B3GALT1: variants seen among roughly 807,000 people sequenced by gnomAD.
B3GALT1 encodes the protein beta-1,3-galactosyltransferase 1, also known as UDP-Gal:betaGlcNAc beta 1,3-galactosyltransferase, polypeptide 1.
A neutral mutation model predicts 23.2 loss-of-function variants in B3GALT1; 10 were observed. The ratio of observed to expected loss-of-function variants is 0.43; its 90% CI spans 0.27 to 0.73. The LOEUF (loss-of-function observed/expected upper bound fraction) is 0.73. Ranked by LOEUF, B3GALT1 falls within the 30% of genes least tolerant of loss-of-function variation. B3GALT1 has a pLI of 0.21. For missense variants in B3GALT1, 299 were observed against 405.4 expected (o/e 0.74, Z 2.25); for synonymous variants, 156 against 141.5 (o/e 1.10, Z -0.73).
intron 2 of B3GALT1, among the ~76,000 whole-genome samples, chr2:167,567,334 G>A (rs1215850777): frequency 6.6e-6 from 1 of 152,094 alleles, no homozygotes; most frequent in Non-Finnish European, 1.5e-5. Context: ...TTTAAATATA[G>A]GAGTTGTCTT....
intron 1 of B3GALT1, among the ~76,000 whole-genome samples, chr2:167,398,309 T>C (rs1230715430): frequency 6.6e-6 from 1 of 152,068 alleles, no homozygotes; most frequent in Non-Finnish European, 1.5e-5. Flanking sequence ...CATTAGGTAA[T>C]GAGAAACAAT....
chr2:167,570,532 G>C (rs1186862264), intron 2 of B3GALT1, among the ~76,000 whole-genome samples: 1 of 151,718 alleles, frequency 6.6e-6, no homozygotes, highest in Non-Finnish European at 1.5e-5. Context: ...CGATTGTAGT[G>C]GGTAATGAAA....
At chr2:167,392,219 T>G (rs1397480190) in intron 1 of B3GALT1, among the ~76,000 whole-genome samples, 3 of 152,006 alleles carry the variant, frequency 2.0e-5, no homozygotes, top group Non-Finnish European at 4.4e-5. Context: ...CTATAAACTT[T>G]TAACAATTAT....
chr2:167,295,611 C>T (rs1192153081), intron 1 of B3GALT1, among the ~76,000 whole-genome samples: 1 of 152,164 alleles, frequency 6.6e-6, no homozygotes, highest in Non-Finnish European at 1.5e-5. Flanking sequence ...AAAAATGGAA[C>T]TTCTAAGGAA....
At chr2:167,517,761 T>G (rs1700127295) in intron 2 of B3GALT1, among the ~76,000 whole-genome samples, 1 of 152,050 alleles carries the variant, frequency 6.6e-6, no homozygotes, top group African/African-American at 2.4e-5. Flanking sequence ...TACTTTTACT[T>G]TCTTTGACAG....
At chr2:167,561,718 A>C (rs1326613395) in intron 2 of B3GALT1, among the ~76,000 whole-genome samples, 1 of 152,232 alleles carries the variant, frequency 6.6e-6, no homozygotes, top group African/African-American at 2.4e-5. Flanking sequence ...GAAATGGATA[A>C]ATTCCTTGAC....
intron 1 of B3GALT1, among the ~76,000 whole-genome samples, chr2:167,412,091 A>G (rs1389536369): frequency 1.3e-5 from 2 of 150,744 alleles, no homozygotes; most frequent in Admixed American, 6.7e-5. Flanking sequence ...ATATAAATGT[A>G]TTTATTACCA....
chr2:167,854,219 T>G (rs758007519), intron 4 of B3GALT1, among the ~76,000 whole-genome samples: 6 of 152,202 alleles, frequency 3.9e-5, no homozygotes, highest in Non-Finnish European at 8.8e-5. Context: ...CATCTCATTT[T>G]ATACTTAAAG....
intron 2 of B3GALT1, among the ~76,000 whole-genome samples, chr2:167,565,220 G>A (rs1318654354): frequency 6.6e-6 from 1 of 152,152 alleles, no homozygotes; most frequent in East Asian, 1.9e-4. Context: ...ACAACTATCT[G>A]ATCTTTGACA....
intron 1 of B3GALT1, among the ~76,000 whole-genome samples, chr2:167,316,978 G>A (rs1452221917): frequency 1.3e-5 from 2 of 152,056 alleles, no homozygotes; most frequent in African/African-American, 4.8e-5. Flanking sequence ...GTTTGTGTGT[G>A]TGTTTAACAA....
At chr2:167,326,378 A>T (rs1192916009) in intron 1 of B3GALT1, among the ~76,000 whole-genome samples, 1 of 151,930 alleles carries the variant, frequency 6.6e-6, no homozygotes, top group Non-Finnish European at 1.5e-5. Flanking sequence ...TTCTCCCATT[A>T]AAAAGGTTTT....
chr2:167,306,690 A>T (rs1696557402), intron 1 of B3GALT1, among the ~76,000 whole-genome samples: 2 of 152,028 alleles, frequency 1.3e-5, no homozygotes, highest in African/African-American at 4.8e-5. Context: ...CTTCTATGTA[A>T]CAAAGTGCAT....
chr2:167,415,417 T>A (rs576911831), intron 1 of B3GALT1, among the ~76,000 whole-genome samples: 1 of 152,248 alleles, frequency 6.6e-6, no homozygotes, highest in South Asian at 2.1e-4. Context: ...GAGAAGTAAA[T>A]TTCTTTTATT....
At chr2:167,719,854 C>T (rs1467826355) in intron 3 of B3GALT1, among the ~76,000 whole-genome samples, 2 of 152,032 alleles carry the variant, frequency 1.3e-5, no homozygotes, top group African/African-American at 4.8e-5. Flanking sequence ...ATCACTTAAA[C>T]CCAGGAGGCA....
intron 2 of B3GALT1, among the ~76,000 whole-genome samples, chr2:167,501,551 C>T (rs995431672): frequency 2.6e-5 from 4 of 151,726 alleles, no homozygotes; most frequent in African/African-American, 9.7e-5. Flanking sequence ...AAAAACAATA[C>T]ATTTTATTTA....
chr2:167,457,891 T>C (rs551387580), intron 1 of B3GALT1, among the ~76,000 whole-genome samples: 1 of 152,336 alleles, frequency 6.6e-6, no homozygotes, highest in South Asian at 2.1e-4. Context: ...ACAATCTGTA[T>C]GTTATCAAAC....
At chr2:167,466,376 G>GGGA (rs1187181841) in intron 1 of B3GALT1, among the ~76,000 whole-genome samples, 1 of 151,954 alleles carries the variant, frequency 6.6e-6, no homozygotes, top group Non-Finnish European at 1.5e-5. Flanking sequence ...CTAGCACTTT[G>GGGA]GGAGGCTGAG....
intron 4 of B3GALT1, among the ~76,000 whole-genome samples, chr2:167,839,313 A>G (rs1461542176): frequency 2.6e-5 from 4 of 151,654 alleles, no homozygotes; most frequent in Non-Finnish European, 4.4e-5. Context: ...TTAAGCTGAT[A>G]AGCAACTTCA....
chr2:167,720,093 G>T (rs1046838685), intron 3 of B3GALT1, among the ~76,000 whole-genome samples: 2 of 152,120 alleles, frequency 1.3e-5, no homozygotes, highest in Admixed American at 6.5e-5. Flanking sequence ...TGATTAAAAT[G>T]TTATATATAT....
Sources: allele counts gnomAD v4.1 joint callset (sites outside exome capture counted in the v4.1 genomes callset), GRCh38; gene constraint gnomAD v4.1.1; transcripts MANE v1.5; gene names NCBI Gene and HGNC (gene_info 2026-07-23, HGNC 2026-07-21).